PES1: variants seen among roughly 807,000 people sequenced by gnomAD.
PES1 encodes the protein pescadillo ribosomal biogenesis factor 1.
Under a neutral mutation model 77.1 loss-of-function variants are expected in PES1, and 31 were observed. The observed-to-expected ratio is 0.40, with a 90% CI of 0.30 to 0.54. PES1 has a LOEUF of 0.54. Among genes scored for constraint, PES1 ranks in the 20% least tolerant of loss-of-function variants. The probability of loss-of-function intolerance (pLI) is 0.45; values close to 1 mark genes in which losing one functional copy is unlikely to be tolerated. For missense variants in PES1, 658 were observed against 771.7 expected, an observed-to-expected ratio of 0.85 and a Z score of 1.75; for synonymous variants, 282 against 303.0, an observed-to-expected ratio of 0.93 and a Z score of 0.72.
intron 14 of PES1, 111 bp from the exon 15 acceptor site, chr22:30,577,240 A>G: frequency 3.3e-6 from 3 of 908,836 alleles, no homozygotes; most frequent in Non-Finnish European, 5.3e-6. Context: ...AAAGGTCACA[A>G]ATTCTCACAG....
chr22:30,599,782 C>A (rs868203558), intron 2 of PES1, among the ~76,000 whole-genome samples: 2 of 152,134 alleles, frequency 1.3e-5, no homozygotes, highest in African/African-American at 4.8e-5. Flanking sequence ...TGCCTGTAAT[C>A]ACAGCTACTC....
rs191631063 is a variant in PES1, at chr22:30,605,356, G to A, written c.-661+105C>T. 9 of 520,234 alleles carry A rather than the reference G, an allele frequency of 1.7e-5. No homozygotes were observed. In the Admixed American group the frequency reaches 1.9e-4, roughly 11 times the overall value. 32.2% of individuals were successfully genotyped at this position (520,234 alleles called of 1,614,324 possible). On this transcript the variant is annotated intron_variant, in intron 2 of 16. Coordinates refer to the PES1 transcript ENST00000402281. ...TCCTACTCCCCCACCCTCTAGCACTGAGTCCAGGTAGGTAGGCAGGGGGGT... is the reference window on the plus strand; with the variant it reads ...TCCTACTCCCCCACCCTCTAGCACTAAGTCCAGGTAGGTAGGCAGGGGGGT...
In PES1 at chr22:30,584,669, G is replaced by A. The variant is rs1469670078; in HGVS notation, c.417C>T (p.Ser139=). The A allele has an allele frequency of 6.2e-7, 1 of 1,613,818 alleles. No homozygotes were observed. The highest frequency in any genetic ancestry group is 1.3e-5 in the African/African-American group (1 of 74,934). The change falls in exon 5 of 15, where the codon TCC becomes TCT. Residue 139 remains serine, a synonymous_variant. Transcript: ENST00000354694. ...GGAAGGTGGAAAACAGGAAGCACAT[G>A]GAGAGGGCATCGTCCAGGTCCCGCA... ...DALRDLDDAL[S]MCFLFSTFPR... is the part of the protein sequence containing the mutation.
intron 4 of PES1, 92 bp downstream of exon 4, chr22:30,587,194 C>G: frequency 1.1e-6 from 1 of 930,642 alleles, no homozygotes; most frequent in Non-Finnish European, 1.7e-6. Context: ...TGAGCAGGGT[C>G]TTGGTCTTAT....
rs1373138466 is a variant in PES1 at position 30,577,138 on chromosome 22, G to A, written c.1684-9C>T. 1.9e-6 allele frequency: 3 copies of A among 1,612,946 alleles called. No homozygotes were observed. The highest frequency in any genetic ancestry group is 2.2e-5 in the East Asian group (1 of 44,902). ...TCCGCCAGCTTGTTGGCCTGTGAGG[G>A]GGAAGGCGAAGGTCAGGCTGAGGTA... is the stretch of plus-strand genomic sequence containing the variant. On this transcript the variant is annotated splice_polypyrimidine_tract_variant and intron_variant, in intron 14 of 14. Transcript: ENST00000354694.
At chr22:30,583,496 G>A (rs1407150326) in intron 6 of PES1, among the ~76,000 whole-genome samples, 2 of 152,234 alleles carry the variant, frequency 1.3e-5, no homozygotes, top group East Asian at 3.9e-4. Flanking sequence ...AAGCAAGGTG[G>A]GCTAAATGCA....
intron 14 of PES1, 137 bp downstream of exon 14, chr22:30,578,700 G>GGGCCA: frequency 9.8e-7 from 1 of 1,016,082 alleles, no homozygotes; most frequent in Non-Finnish European, 1.5e-6. Flanking sequence ...AGGCTGGGCT[G>GGGCCA]GGCCAGGCAG....
At position 30,591,794 on chromosome 22, in the gene PES1, C is replaced by G. The variant is rs775498105; in HGVS notation, c.24+16G>C. ...CACCCCACCCCTCGGGAATCCCCAC[C>G]GTCTTTCCCAATCACCTTCTTCTTC... On this transcript the variant is annotated intron_variant, in intron 1 of 14. Transcript: ENST00000354694. The G allele has an allele frequency of 5.1e-6, 8 of 1,560,458 alleles. No homozygotes were observed. The highest frequency in any genetic ancestry group is 4.7e-5 in the South Asian group (4 of 84,604).
At position 30,588,134 on chromosome 22, in the gene PES1, T is replaced by G. The variant is rs373417874; in HGVS notation, c.145A>C (p.Lys49Gln). ...CCCTTGTTAACCTTCTTCTTGTGTT[T>G]GGGTTCATGGGGATAAATGCCCTTC... Reference protein sequence around the residue: ...ILKGIYPHEPKHKKKVNKGST... With the variant: ...ILKGIYPHEPQHKKKVNKGST... The change falls in exon 3 of 15, where the codon AAA becomes CAA. Residue 49 changes from lysine to glutamine, a missense_variant. Coordinates refer to ENST00000354694, the MANE Select transcript of PES1 (RefSeq NM_014303.4). 49 of 1,614,204 alleles carry G rather than the reference T, an allele frequency of 3.0e-5. No individual in the cohort carries two copies. Among genetic ancestry groups the G allele is most frequent in the Non-Finnish European group, 4.1e-5 (48 of 1,180,040 alleles).
At position 30,584,350 on chromosome 22, in the gene PES1, G is replaced by T. The variant is rs766308436; in HGVS notation, c.630+15C>A. 2 of 1,593,038 alleles carry T rather than the reference G, an allele frequency of 1.3e-6. No individual in the cohort carries two copies. The highest frequency in any genetic ancestry group is 1.1e-5 in the South Asian group (1 of 88,816). On this transcript the variant is annotated intron_variant, in intron 6 of 14. Transcript: ENST00000354694. ...AGGCAGCACAAGCCCGTCCCCTCCC[G>T]ACAGGCACACTCACGTCATGGGAGA... is the stretch of plus-strand genomic sequence containing the variant.
chr22:30,585,419 G>A (rs1283290242), intron 4 of PES1: 1 of 455,330 alleles, frequency 2.2e-6, no homozygotes, highest in South Asian at 1.6e-5. Flanking sequence ...GGAACCACAA[G>A]TAACGACACC....
At chr22:30,598,397 A>G (rs145442651) in intron 2 of PES1, 1,812 of 156,386 alleles carry the variant, frequency 0.012, 48 homozygotes, top group African/African-American at 0.041. Context: ...AATTCCGGAC[A>G]CAGTACTATG....
intron 5 of PES1, 22 bp from the exon 6 acceptor site, chr22:30,584,476 C>G: frequency 6.2e-7 from 1 of 1,610,232 alleles, no homozygotes; most frequent in Non-Finnish European, 8.5e-7. Context: ...GAGGAGACAT[C>G]TGGGTGAAGA....
chr22:30,595,688 C>A (rs772852833), upstream of PES1, among the ~76,000 whole-genome samples: 4 of 152,126 alleles, frequency 2.6e-5, no homozygotes, highest in Non-Finnish European at 4.4e-5. Context: ...GGTCCCAGTT[C>A]CCTGCATCCA....
At chr22:30,586,523 G>C (rs557486191) in intron 4 of PES1, among the ~76,000 whole-genome samples, 1 of 152,130 alleles carries the variant, frequency 6.6e-6, no homozygotes, top group South Asian at 2.1e-4. Context: ...TCTATGTTGT[G>C]GGGGACTACT....
chr22:30,599,295 A>T (rs1012351347), intron 2 of PES1, among the ~76,000 whole-genome samples: 31 of 125,778 alleles, frequency 2.5e-4, no homozygotes, highest in Non-Finnish European at 4.8e-4. Context: ...GCCTTGGTTT[A>T]TTGGTCAAAG....
intron 6 of PES1, among the ~76,000 whole-genome samples, chr22:30,584,055 C>T (rs2087028007): frequency 1.3e-5 from 2 of 152,258 alleles, no homozygotes; most frequent in Admixed American, 6.5e-5. Context: ...GCTGTTCTCA[C>T]TGTTTATTCG....
At chr22:30,599,763 G>A (rs2087325307) in intron 2 of PES1, among the ~76,000 whole-genome samples, 1 of 152,144 alleles carries the variant, frequency 6.6e-6, no homozygotes, top group Non-Finnish European at 1.5e-5. Flanking sequence ...AGCCAGGCAT[G>A]GTGGTACATG....
chr22:30,583,165 A>G (rs916756599), intron 6 of PES1, among the ~76,000 whole-genome samples: 3 of 152,128 alleles, frequency 2.0e-5, no homozygotes, highest in Non-Finnish European at 4.4e-5. Flanking sequence ...GGCAGGAAGG[A>G]AGGAGGAGGA....
Sources: gnomAD v4.1 joint callset for allele counts (sites outside exome capture counted in the v4.1 genomes callset) on GRCh38, gnomAD v4.1.1 for gene constraint, MANE v1.5 for transcripts, NCBI Gene and HGNC (gene_info 2026-07-23, HGNC 2026-07-21) for gene names.